The following UGT1A7 variants were observed in gnomAD, a reference collection of about 807,000 sequenced individuals.
UGT1A7 encodes UDP glucuronosyltransferase family 1 member A7, also known as UDP-glucuronosyltransferase 1A7.
Under a neutral mutation model 45.6 loss-of-function variants are expected in UGT1A7, and 33 were observed. The observed-to-expected ratio is 0.72, with a 90% CI of 0.55 to 0.97. The LOEUF (loss-of-function observed/expected upper bound fraction) is 0.97. Among genes scored for constraint, UGT1A7 ranks in the 50% least tolerant of loss-of-function variants. The pLI, the probability that UGT1A7 is intolerant of heterozygous loss-of-function variation, is 0.00. For synonymous variants in UGT1A7, 274 were observed against 250.6 expected (o/e 1.09, Z -0.88); for missense variants, 684 against 666.2 (o/e 1.03, Z -0.29).
At chr2:233,686,255 T>C (rs1302039353) in intron 1 of UGT1A7, among the ~76,000 whole-genome samples, 1 of 152,066 alleles carries the variant, frequency 6.6e-6, no homozygotes, top group African/African-American at 2.4e-5. Flanking sequence ...TGAGATTTTT[T>C]TTTTTCTTGT....
chr2:233,726,612 G>T (rs540444142), intron 1 of UGT1A7, among the ~76,000 whole-genome samples: 42 of 152,220 alleles, frequency 2.8e-4, no homozygotes, highest in African/African-American at 9.9e-4. Context: ...ACACTGTCCT[G>T]CCCAGATACC....
chr2:233,744,381 A>G (rs186112546), intron 1 of UGT1A7, among the ~76,000 whole-genome samples: 6 of 151,986 alleles, frequency 3.9e-5, no homozygotes, highest in East Asian at 3.9e-4. Flanking sequence ...CAGTTCTCCA[A>G]CGTTCCAGCC....
At position 233,769,732 on chromosome 2, in the gene UGT1A7, G is replaced by A; in HGVS notation, c.1295+1293G>A. The A allele has an allele frequency of 2.7e-6, 4 of 1,465,694 alleles. No homozygotes were observed. Among genetic ancestry groups the A allele is most frequent in the South Asian group, 2.9e-5 (2 of 70,094 alleles). 90.8% of individuals were successfully genotyped at this position (1,465,694 alleles called of 1,614,324 possible). ...TGGCTAGGCACCATGGCACACGCCT[G>A]TAGTCCCAGCCACTCTGGAGGCTAA... On this transcript the variant is annotated intron_variant, in intron 4 of 4. Coordinates refer to ENST00000373426, the MANE Select transcript of UGT1A7 (RefSeq NM_019077.3). This position sits in a 1 kb window ranked among gnomAD's most constrained non-coding sequence, Gnocchi z 4.4.
At chr2:233,747,891 C>G (rs562741642) in intron 1 of UGT1A7, 201 of 1,612,980 alleles carry the variant, frequency 1.2e-4, no homozygotes, top group East Asian at 4.9e-4. Context: ...TTGCCATGCT[C>G]TTTCTGCTCC....
chr2:233,717,845 T>C, intron 1 of UGT1A7: 1 of 455,144 alleles, frequency 2.2e-6, no homozygotes, highest in Non-Finnish European at 4.4e-6. Context: ...ACCATTCTTA[T>C]CAGAACTTGG....
chr2:233,758,436 A>T (rs532506840), intron 1 of UGT1A7, among the ~76,000 whole-genome samples: 9 of 152,370 alleles, frequency 5.9e-5, no homozygotes, highest in African/African-American at 1.9e-4. Context: ...CTCACACAGC[A>T]TTGGGACTTT....
intron 1 of UGT1A7, chr2:233,748,089 C>G (rs17863798): frequency 2.3e-5 from 37 of 1,612,724 alleles, no homozygotes; most frequent in Non-Finnish European, 2.8e-5. Flanking sequence ...GGTCGGTGTT[C>G]GTGCCTTCAT....
rs60469444 is a variant in UGT1A7, at chr2:233,743,994, T to G, written c.856-23040T>G. ...GCCAGCACCCAGGCGCAGGCCCGAG[T>G]GCTCGGAGACCTGGGCCGCCTGGAG... On this transcript the variant is annotated intron_variant, in intron 1 of 4. Coordinates refer to ENST00000373426, the MANE Select transcript of UGT1A7 (RefSeq NM_019077.3). 3 of 1,253,056 alleles carry G rather than the reference T, an allele frequency of 2.4e-6. No individual in the cohort carries two copies. In the African/African-American group the frequency reaches 4.7e-5, roughly 20 times the overall value. The allele number at this position is 1,253,056 out of a possible 1,614,324, so 77.6% of individuals were successfully genotyped here. A position where few individuals can be genotyped will look rare whatever the true frequency, so the allele number is the denominator to read the frequency against.
At chr2:233,767,602 A>G (rs1699426979) in intron 2 of UGT1A7, among the ~76,000 whole-genome samples, 1 of 152,192 alleles carries the variant, frequency 6.6e-6, no homozygotes, top group Non-Finnish European at 1.5e-5. Flanking sequence ...AGGAAAGTGA[A>G]AAAATCCTAA....
At chr2:233,712,679 A>G (rs1030687353) in intron 1 of UGT1A7, among the ~76,000 whole-genome samples, 1 of 152,224 alleles carries the variant, frequency 6.6e-6, no homozygotes, top group African/African-American at 2.4e-5. Context: ...AGACAGTGAC[A>G]TGAAATGGGG....
chr2:233,718,682 A>G, intron 1 of UGT1A7: 1 of 1,574,938 alleles, frequency 6.3e-7, no homozygotes, highest in Non-Finnish European at 8.6e-7. Flanking sequence ...GGTAATAAGT[A>G]ACTGGAGGAG....
chr2:233,713,342 GAAC>G, intron 1 of UGT1A7: 1 of 1,614,196 alleles, frequency 6.2e-7, no homozygotes, highest in Non-Finnish European at 8.5e-7. Context: ...TGGCAATTAT[GAAC>G]AATATGTCTT....
intron 1 of UGT1A7, among the ~76,000 whole-genome samples, chr2:233,737,902 TA>T (rs1468589686): frequency 1.3e-5 from 2 of 152,134 alleles, no homozygotes; most frequent in Non-Finnish European, 2.9e-5. Context: ...TCGAGTGTGG[TA>T]AAGAACAGGC....
intron 1 of UGT1A7, chr2:233,760,313 G>A (rs761736540): frequency 1.9e-6 from 3 of 1,613,818 alleles, no homozygotes; most frequent in Non-Finnish European, 2.5e-6. Flanking sequence ...CAGGGCGGAC[G>A]CCCACTTGTC....
chr2:233,762,771 C>G (rs543365278), intron 1 of UGT1A7, among the ~76,000 whole-genome samples: 5 of 150,154 alleles, frequency 3.3e-5, no homozygotes, highest in South Asian at 4.2e-4. Context: ...ATTTCTATCT[C>G]TAGCTGATTA....
chr2:233,732,491 G>C (rs2078277283), intron 1 of UGT1A7, among the ~76,000 whole-genome samples: 1 of 152,184 alleles, frequency 6.6e-6, no homozygotes, highest in African/African-American at 2.4e-5. Flanking sequence ...TTTGTATAAG[G>C]CGTAAGGAAG....
At chr2:233,738,878 T>C (rs1427489972) in intron 1 of UGT1A7, 3 of 152,250 alleles carry the variant, frequency 2.0e-5, no homozygotes, top group Admixed American at 6.5e-5. Flanking sequence ...CTCCAGGGCA[T>C]GTCAGAGACC....
At chr2:233,729,785 T>C (rs767360644) in intron 1 of UGT1A7, 1 of 1,614,014 alleles carries the variant, frequency 6.2e-7, no homozygotes, top group Non-Finnish European at 8.5e-7. Flanking sequence ...CCTCTGGCCC[T>C]GTCCTACATT....
chr2:233,744,723 G>C (rs187577100), intron 1 of UGT1A7, among the ~76,000 whole-genome samples: 1 of 151,758 alleles, frequency 6.6e-6, no homozygotes, highest in African/African-American at 2.4e-5. Context: ...AGAGAATGAC[G>C]GTGAAAAAAT....
Sources: allele counts gnomAD v4.1 joint callset (sites outside exome capture counted in the v4.1 genomes callset), GRCh38; gene constraint gnomAD v4.1.1; non-coding constraint Gnocchi (gnomAD v3.1); transcripts MANE v1.5; gene names NCBI Gene and HGNC (gene_info 2026-07-23, HGNC 2026-07-21).